The following SMC4 variants were observed in gnomAD, a reference collection of about 807,000 sequenced individuals.
SMC4 encodes the protein structural maintenance of chromosomes protein 4.
In SMC4, 87 loss-of-function variants were observed where a neutral mutation model predicts 145.6. That is an observed-to-expected ratio of 0.60 (90% CI 0.50 to 0.71). SMC4 has a LOEUF of 0.71. SMC4 is among the 30% of genes least tolerant of loss of function. The pLI is 0.00. For synonymous variants in SMC4, 558 were observed against 500.7 expected (o/e 1.11, Z -1.53); for missense variants, 1,447 against 1,537.1 (o/e 0.94, Z 0.98).
At chr3:160,418,719 T>C (rs1457872363) in intron 11 of SMC4, among the ~76,000 whole-genome samples, 1 of 152,134 alleles carries the variant, frequency 6.6e-6, no homozygotes, top group Non-Finnish European at 1.5e-5. Context: ...GCCAGTACAG[T>C]AAGTAATAGA....
At chr3:160,432,192 A>C in intron 21 of SMC4, 91 bp from the exon 22 acceptor site, 1 of 1,038,892 alleles carries the variant, frequency 9.6e-7, no homozygotes, top group Non-Finnish European at 1.4e-6. Flanking sequence ...TCAGGGCAAG[A>C]CTACGTCTCA....
chr3:160,431,869 G>A (rs1379558595), intron 21 of SMC4, 44 bp downstream of exon 21: 17 of 1,540,450 alleles, frequency 1.1e-5, no homozygotes, highest in Non-Finnish European at 1.5e-5. Flanking sequence ...GTTCTTTTTA[G>A]TCCTTAGCCT....
At chr3:160,400,550 A>G in intron 1 of SMC4, 1 of 402,188 alleles carries the variant, frequency 2.5e-6, no homozygotes, top group Non-Finnish European at 4.4e-6. Flanking sequence ...AGAGCCTTAA[A>G]AACAACAACA....
chr3:160,407,572 CT>C lies in SMC4; in HGVS notation c.687+3082del, dbSNP rs538624861. On this transcript the variant is annotated intron_variant, in intron 5 of 23. Transcript: ENST00000357388. Reference sequence around the variant, plus strand: ...TAAATAAATAAATAATAGCCAAGTTCTTTTTTTTTTTTTTAATTATTTTGTA... The same window carrying C: ...TAAATAAATAAATAATAGCCAAGTTCTTTTTTTTTTTTTAATTATTTTGTA... 9.7e-3 allele frequency among the ~76,000 whole-genome samples: 1,352 copies of C among 139,636 alleles called. 15 individuals carry two copies. The highest frequency in any genetic ancestry group is 0.022 in the African/African-American group (858 of 38,344). The allele number at this position is 139,636 out of a possible 152,430, so 91.6% of individuals were successfully genotyped here.
chr3:160,420,520 T>TA (rs1717052439), intron 12 of SMC4: 2 of 450,928 alleles, frequency 4.4e-6, no homozygotes, highest in East Asian at 4.3e-5. Context: ...GTTGTTTTCA[T>TA]AAAATGAAAA....
chr3:160,401,624 G>T (rs1714670489), intron 2 of SMC4, among the ~76,000 whole-genome samples: 1 of 152,166 alleles, frequency 6.6e-6, no homozygotes, highest in Admixed American at 6.5e-5. Context: ...TTTGCTCTAT[G>T]ATGTAGTGTT....
rs1456366195 is a variant in SMC4, at chr3:160,416,264, A to G, written c.1286A>G (p.Lys429Arg). ...TTATAATCTCAGGTTGAAGAATTTAAAAGTATACCTGCCAAGAGTAACAAT... is the reference window on the plus strand; with the variant it reads ...TTATAATCTCAGGTTGAAGAATTTAGAAGTATACCTGCCAAGAGTAACAAT... ...QKDKEKVEEF[K>R]SIPAKSNNII... The change falls in exon 10 of 24, where the codon AAA becomes AGA. Residue 429 changes from lysine to arginine, a missense_variant. By Grantham distance (26) the Lys-to-Arg change is conservative. Coordinates refer to ENST00000357388, the MANE Select transcript of SMC4 (RefSeq NM_001002800.3). 1.3e-6 allele frequency: 2 copies of G among 1,589,444 alleles called. No homozygotes were observed. Among genetic ancestry groups the G allele is most frequent in the Non-Finnish European group, 1.7e-6 (2 of 1,171,052 alleles).
chr3:160,431,759 A>G lies in SMC4; in HGVS notation c.3231A>G (p.Ala1077=). The G allele has an allele frequency of 2.5e-6, 4 of 1,613,852 alleles. No homozygotes were observed. The highest frequency in any genetic ancestry group is 3.4e-6 in the Non-Finnish European group (4 of 1,179,948). The change falls in exon 21 of 24, where the codon GCA becomes GCG. Residue 1077 remains alanine (A), a synonymous_variant. Transcript: ENST00000357388. ...KNPDSITNQI[A]LLEARCHEMK... is the part of the protein sequence containing the mutation. The stretch of plus-strand genomic sequence containing the variant: ...CAGATTCTATAACAAATCAAATTGC[A>G]CTTTTGGAAGCCCGGTGTCATGAAA...
intron 15 of SMC4, among the ~76,000 whole-genome samples, chr3:160,424,617 GCCAA>G (rs1182948763): frequency 2.0e-5 from 3 of 152,240 alleles, no homozygotes; most frequent in East Asian, 3.9e-4. Flanking sequence ...GACCAGCCTG[GCCAA>G]CATAGGGAAA....
At chr3:160,399,831 G>C (rs776498487) in intron 1 of SMC4, 82 bp downstream of exon 1, 1 of 152,276 alleles carries the variant, frequency 6.6e-6, no homozygotes, top group Non-Finnish European at 1.5e-5. Flanking sequence ...TAGAGGCCTT[G>C]AGCCCGAGCG....
At chr3:160,430,911 G>A in intron 19 of SMC4, 121 bp from the exon 20 acceptor site, 1 of 1,255,060 alleles carries the variant, frequency 8.0e-7, no homozygotes, top group Non-Finnish European at 1.1e-6. Context: ...GAATTTAAAT[G>A]CTTAAATTAT....
rs749725098 is a variant in SMC4 at position 160,404,453 on chromosome 3, T to C, written c.636T>C (p.Leu212=). The C allele has an allele frequency of 1.2e-6, 2 of 1,610,892 alleles. No individual in the cohort carries two copies. Among genetic ancestry groups the C allele is most frequent in the Non-Finnish European group, 1.7e-6 (2 of 1,179,018 alleles). The change falls in exon 5 of 24, where the codon CTT becomes CTC. Residue 212 remains leucine, a synonymous_variant. Transcript: ENST00000357388. ...KKKTFKDVGN[L]LRSHGIDLDH... ...AGACATTTAAGGATGTTGGAAATCTTCTTCGAAGCCATGGAATTGACTTGG... is the reference window on the plus strand; with the variant it reads ...AGACATTTAAGGATGTTGGAAATCTCCTTCGAAGCCATGGAATTGACTTGG...
intron 18 of SMC4, among the ~76,000 whole-genome samples, chr3:160,429,679 T>G (rs1317076515): frequency 6.6e-6 from 1 of 150,392 alleles, no homozygotes; most frequent in Non-Finnish European, 1.5e-5. Context: ...GAAGATTTCA[T>G]TGTCCTTAAA....
At chr3:160,419,704 C>T (rs1716967416) in intron 12 of SMC4, among the ~76,000 whole-genome samples, 161 bp downstream of exon 12, 1 of 152,104 alleles carries the variant, frequency 6.6e-6, no homozygotes, top group African/African-American at 2.4e-5. Flanking sequence ...TTTGCCCTTA[C>T]AGTTTCTTGT....
At chr3:160,426,282 A>T (rs1286186311) in intron 17 of SMC4, 82 bp downstream of exon 17, 2 of 1,029,710 alleles carry the variant, frequency 1.9e-6, no homozygotes, top group Non-Finnish European at 2.9e-6. Flanking sequence ...GCAGTAGAAT[A>T]ATAATAGAAG....
chr3:160,430,792 A>G (rs1004473189), intron 19 of SMC4, 49 bp downstream of exon 19: 6 of 1,564,404 alleles, frequency 3.8e-6, no homozygotes, highest in African/African-American at 2.7e-5. Flanking sequence ...ACTGGAACCA[A>G]TTTAAAGAGC....
chr3:160,413,800 T>C (rs1716288193), intron 8 of SMC4, 187 bp downstream of exon 8: 1 of 403,520 alleles, frequency 2.5e-6, no homozygotes, highest in African/African-American at 2.1e-5. Flanking sequence ...AATTCCCTAC[T>C]CTGAAGTCTT....
At chr3:160,412,755 C>T in intron 7 of SMC4, 2 of 814,604 alleles carry the variant, frequency 2.5e-6, no homozygotes, top group Non-Finnish European at 1.5e-6. Flanking sequence ...GGCTGTGACA[C>T]CTGTCATCCC....
chr3:160,407,398 C>G (rs958972853), intron 5 of SMC4, among the ~76,000 whole-genome samples: 1 of 151,990 alleles, frequency 6.6e-6, no homozygotes, highest in Non-Finnish European at 1.5e-5. Context: ...ATAGAAAATA[C>G]AAAAATTAGC....
Sources: gnomAD v4.1 joint callset for allele counts (sites outside exome capture counted in the v4.1 genomes callset) on GRCh38, gnomAD v4.1.1 for gene constraint, MANE v1.5 for transcripts, NCBI Gene and HGNC (gene_info 2026-07-23, HGNC 2026-07-21) for gene names.